SATB2: variants seen among roughly 807,000 people sequenced by gnomAD.
The protein encoded by SATB2 is DNA-binding protein SATB2.
A neutral mutation model predicts 73.4 loss-of-function variants in SATB2; 1 was observed. The observed-to-expected ratio is 0.01, with a 90% CI of 0.00 to 0.06. The LOEUF (loss-of-function observed/expected upper bound fraction) is 0.06, where lower values mean the gene tolerates loss of function less well. Among genes scored for constraint, SATB2 ranks in the 10% least tolerant of loss-of-function variants. The pLI, the probability that SATB2 is intolerant of heterozygous loss-of-function variation, is 1.00. For missense variants in SATB2, 459 were observed against 945.8 expected (o/e 0.49, Z 6.75); for synonymous variants, 397 against 367.0 (o/e 1.08, Z -0.93).
At chr2:199,320,090 T>C (rs572116241) in intron 9 of SATB2, among the ~76,000 whole-genome samples, 2 of 152,224 alleles carry the variant, frequency 1.3e-5, no homozygotes, top group East Asian at 3.9e-4. Context: ...CCAGCAAGAT[T>C]AGCAGAAGCT....
chr2:199,343,826 G>A (rs568125051), intron 7 of SATB2, among the ~76,000 whole-genome samples: 1 of 152,312 alleles, frequency 6.6e-6, no homozygotes, highest in Non-Finnish European at 1.5e-5. Context: ...CTTTCTAGGT[G>A]TAGCCATCTT....
At chr2:199,412,686 G>A (rs1574604368) in intron 3 of SATB2, among the ~76,000 whole-genome samples, 1 of 151,654 alleles carries the variant, frequency 6.6e-6, no homozygotes, top group East Asian at 1.9e-4. Flanking sequence ...ATATGAACCA[G>A]TCTTTTATCA....
At chr2:199,415,577 A>G (rs1690953292) in intron 3 of SATB2, among the ~76,000 whole-genome samples, 1 of 152,232 alleles carries the variant, frequency 6.6e-6, no homozygotes, top group African/African-American at 2.4e-5. Flanking sequence ...TCCAAATTAC[A>G]TTAGAATACT....
intron 7 of SATB2, among the ~76,000 whole-genome samples, chr2:199,334,827 A>T (rs1466365465): frequency 6.6e-6 from 1 of 152,138 alleles, no homozygotes; most frequent in Non-Finnish European, 1.5e-5. Flanking sequence ...AAGTACTGGT[A>T]TCCTACTACC....
intron 3 of SATB2, among the ~76,000 whole-genome samples, chr2:199,395,429 T>C (rs1690269879): frequency 6.6e-6 from 1 of 152,192 alleles, no homozygotes; most frequent in Non-Finnish European, 1.5e-5. Context: ...AGTTAAATTT[T>C]TGTTAAGTTA....
At chr2:199,365,490 T>C (rs746402427) in intron 6 of SATB2, among the ~76,000 whole-genome samples, 1 of 152,102 alleles carries the variant, frequency 6.6e-6, no homozygotes, top group African/African-American at 2.4e-5. Flanking sequence ...GTGTCAACCA[T>C]GATTGTCTTT....
At chr2:199,392,021 G>T (rs1391635288) in intron 3 of SATB2, among the ~76,000 whole-genome samples, 1 of 152,110 alleles carries the variant, frequency 6.6e-6, no homozygotes, top group Non-Finnish European at 1.5e-5. Flanking sequence ...TATGGTGTTT[G>T]GAGTGGTCAG....
chr2:199,397,722 C>A (rs780057652), intron 3 of SATB2: 39 of 408,248 alleles, frequency 9.6e-5, no homozygotes, highest in Middle Eastern at 7.9e-4. Flanking sequence ...AACCCTATTA[C>A]TACTAAAAAT....
intron 6 of SATB2, among the ~76,000 whole-genome samples, chr2:199,363,303 T>C (rs1035900108): frequency 6.6e-6 from 1 of 152,208 alleles, no homozygotes; most frequent in African/African-American, 2.4e-5. Context: ...TGGCTGACAG[T>C]AGAAATGATG....
intron 3 of SATB2, among the ~76,000 whole-genome samples, chr2:199,420,369 CA>C (rs1416972955): frequency 6.6e-6 from 1 of 152,084 alleles, no homozygotes; most frequent in Non-Finnish European, 1.5e-5. Context: ...ACTAAATGGA[CA>C]TAAGAATCTA....
intron 10 of SATB2, among the ~76,000 whole-genome samples, chr2:199,285,465 C>A (rs1172441600): frequency 1.3e-5 from 2 of 152,006 alleles, no homozygotes; most frequent in Admixed American, 1.3e-4. Context: ...TAAGTTGGCT[C>A]TTATGATTGT....
intron 2 of SATB2, among the ~76,000 whole-genome samples, chr2:199,440,636 C>A (rs1223427083): frequency 6.6e-6 from 1 of 152,108 alleles, no homozygotes. Flanking sequence ...CCCAGCTGCT[C>A]CAGTTTTCAA....
At position 199,422,244 on chromosome 2, in the gene SATB2, T is replaced by TA. The variant is rs968215296; in HGVS notation, c.346+11093dup. Among the ~76,000 whole-genome samples, 8 of 151,970 alleles carry TA rather than the reference T, an allele frequency of 5.3e-5. No homozygotes were observed. The East Asian group carries it at 9.6e-4, about 18-fold the overall frequency. ...AAGCAACCCAAATATTACCTATTTT[T>TA]ATCTCTAGAATGGTTGGTTCATGAG... On this transcript the variant is annotated intron_variant, in intron 3 of 10. Coordinates refer to ENST00000417098, the MANE Select transcript of SATB2 (RefSeq NM_001172509.2).
In SATB2 at chr2:199,368,726, G is replaced by A; in HGVS notation, c.598-19C>T. 1 of 1,447,682 alleles carries A rather than the reference G, an allele frequency of 6.9e-7. No individual in the cohort carries two copies. The highest frequency in any genetic ancestry group is 9.7e-7 in the Non-Finnish European group (1 of 1,032,226). The allele number at this position is 1,447,682 out of a possible 1,614,324, so 89.7% of individuals were successfully genotyped here. A position where few individuals can be genotyped will look rare whatever the true frequency, so the allele number is the denominator to read the frequency against. On this transcript the variant is annotated intron_variant, in intron 5 of 10. Transcript: ENST00000417098. ...TCATACTCTGAAAAAAAAAATTATA[G>A]TTATTTTTTCAAAATATGACTACTT... is the stretch of plus-strand genomic sequence containing the variant.
chr2:199,272,293 G>C lies in SATB2; in HGVS notation c.2120C>G (p.Ser707Cys), dbSNP rs752910885. ...AGCCTCCACTTTGTACATCTCCTCGGAGCCTTCCTCGCTGTCGTTCTCCTC... is the reference window on the plus strand; with the variant it reads ...AGCCTCCACTTTGTACATCTCCTCGCAGCCTTCCTCGCTGTCGTTCTCCTC... The part of the protein sequence containing the change: ...ESEENDSEEG[S>C]EEMYKVEAEE... The change falls in exon 11 of 11, where the codon TCC becomes TGC. Residue 707 changes from serine to cysteine, a missense_variant. Around this residue, in one of 13 missense-constraint regions of SATB2, gnomAD observed 41 missense variants for 38.6 expected, o/e 1.06. Transcript: ENST00000417098. This position sits in a 1 kb window ranked among gnomAD's most constrained non-coding sequence, Gnocchi z 6.7. 2 of 1,614,100 alleles carry C rather than the reference G, an allele frequency of 1.2e-6. No individual in the cohort carries two copies. The highest frequency in any genetic ancestry group is 1.7e-6 in the Non-Finnish European group (2 of 1,180,012).
intron 4 of SATB2, among the ~76,000 whole-genome samples, chr2:199,380,828 A>G (rs922976705): frequency 5.3e-5 from 8 of 152,216 alleles, no homozygotes; most frequent in African/African-American, 1.9e-4. Context: ...ATTATTGTGC[A>G]TGCCTAAGGT....
intron 3 of SATB2, among the ~76,000 whole-genome samples, chr2:199,399,886 T>C (rs528048262): frequency 2.0e-4 from 31 of 152,284 alleles, no homozygotes. Flanking sequence ...ATGTGAGATT[T>C]GGGCAGGGAC....
chr2:199,382,488 G>A (rs1476742272), intron 3 of SATB2, among the ~76,000 whole-genome samples: 1 of 152,048 alleles, frequency 6.6e-6, no homozygotes, highest in African/African-American at 2.4e-5. Flanking sequence ...TTTCCCTGTG[G>A]ATTTCCTGCT....
intron 2 of SATB2, among the ~76,000 whole-genome samples, chr2:199,434,451 T>A (rs1402570434): frequency 6.6e-6 from 1 of 152,216 alleles, no homozygotes; most frequent in Non-Finnish European, 1.5e-5. Flanking sequence ...ACTTTTTTTT[T>A]ATTTTTAAAA....
Sources: gnomAD v4.1 joint callset for allele counts (sites outside exome capture counted in the v4.1 genomes callset) on GRCh38, gnomAD v4.1.1 for gene constraint, gnomAD v4.1.1 regional missense constraint, Gnocchi (gnomAD v3.1) non-coding constraint, MANE v1.5 for transcripts, NCBI Gene and HGNC (gene_info 2026-07-23, HGNC 2026-07-21) for gene names.